Variants in SEMA5B observed in about 807,000 individuals in gnomAD.
The protein encoded by SEMA5B is semaphorin-5B.
A neutral mutation model predicts 135.0 loss-of-function variants in SEMA5B; 66 were observed. The ratio of observed to expected loss-of-function variants is 0.49; its 90% CI spans 0.40 to 0.60. SEMA5B has a LOEUF of 0.60. SEMA5B is among the 20% of genes least tolerant of loss of function. The pLI is 0.00. For synonymous variants in SEMA5B, 690 were observed against 639.5 expected (o/e 1.08, Z -1.19); for missense variants, 1,501 against 1,566.3 (o/e 0.96, Z 0.70).
At chr3:122,993,863 C>A (rs575669917) in intron 1 of SEMA5B, among the ~76,000 whole-genome samples, 4 of 152,044 alleles carry the variant, frequency 2.6e-5, no homozygotes, top group Non-Finnish European at 4.4e-5. Context: ...TTGGAAGAAG[C>A]ATTTCACGAA....
intron 2 of SEMA5B, among the ~76,000 whole-genome samples, chr3:122,956,915 C>T (rs919430027): frequency 5.3e-5 from 8 of 152,120 alleles, no homozygotes; most frequent in Admixed American, 3.9e-4. Context: ...ACGTAGAAGG[C>T]GGAACTCTCT....
At chr3:122,990,696 C>T (rs766987786) in intron 1 of SEMA5B, among the ~76,000 whole-genome samples, 13 of 152,130 alleles carry the variant, frequency 8.5e-5, no homozygotes, top group Non-Finnish European at 1.3e-4. Flanking sequence ...CCTCCTGGAC[C>T]GATGAAGAAC....
chr3:122,986,285 T>C (rs1941693116), intron 1 of SEMA5B, among the ~76,000 whole-genome samples: 2 of 152,202 alleles, frequency 1.3e-5, no homozygotes, highest in South Asian at 4.1e-4. Flanking sequence ...AACTTGAAAT[T>C]ATTAGCAGAG....
chr3:123,002,393 A>G (rs1942201398), intron 1 of SEMA5B, among the ~76,000 whole-genome samples: 1 of 152,244 alleles, frequency 6.6e-6, no homozygotes, highest in African/African-American at 2.4e-5. Context: ...TTTTGTGTGG[A>G]TAATCACCGT....
chr3:122,977,467 G>A (rs147640621), intron 1 of SEMA5B, among the ~76,000 whole-genome samples: 96 of 152,170 alleles, frequency 6.3e-4, no homozygotes, highest in Middle Eastern at 3.4e-3. Flanking sequence ...ATTTTTACTT[G>A]CTAAGTCTGG....
At chr3:122,955,038 G>A (rs1340990412) in intron 2 of SEMA5B, among the ~76,000 whole-genome samples, 1 of 151,188 alleles carries the variant, frequency 6.6e-6, no homozygotes, top group African/African-American at 2.4e-5. Flanking sequence ...CTGGACTCAA[G>A]CTATCCTATC....
intron 1 of SEMA5B, among the ~76,000 whole-genome samples, chr3:123,007,971 A>C (rs76689672): frequency 6.6e-6 from 1 of 152,378 alleles, no homozygotes; most frequent in Non-Finnish European, 1.5e-5. Flanking sequence ...TGTATAAGCC[A>C]CTGTCAAAGT....
intron 1 of SEMA5B, among the ~76,000 whole-genome samples, chr3:122,966,857 C>T (rs1247799114): frequency 1.1e-5 from 1 of 88,200 alleles, no homozygotes; most frequent in Non-Finnish European, 2.0e-5. Flanking sequence ...CACACCCGGC[C>T]TATTACTATT....
At chr3:123,012,613 C>G (rs1942462377) in intron 1 of SEMA5B, among the ~76,000 whole-genome samples, 1 of 152,228 alleles carries the variant, frequency 6.6e-6, no homozygotes, top group Admixed American at 6.5e-5. Context: ...TTCCTCCCAG[C>G]AGGACTGGGC....
intron 1 of SEMA5B, among the ~76,000 whole-genome samples, chr3:122,966,536 T>TTTATCATTATTATTATTA (rs1553778602): frequency 1.3e-4 from 18 of 141,538 alleles, no homozygotes; most frequent in African/African-American, 4.8e-4. Flanking sequence ...TGTAAGAATG[T>TTTATCATTATTATTATTA]TTATTATTAT....
intron 1 of SEMA5B, among the ~76,000 whole-genome samples, chr3:123,002,539 C>CT: frequency 6.6e-6 from 1 of 152,314 alleles, no homozygotes; most frequent in South Asian, 2.1e-4. Context: ...CACCAATTAA[C>CT]TAAGTGAGAA....
At position 122,910,039 on chromosome 3, in the gene SEMA5B, T is replaced by C. The variant is rs989717928; in HGVS notation, c.*104A>G. 2 of 1,247,710 alleles carry C rather than the reference T, an allele frequency of 1.6e-6. No homozygotes were observed. The highest frequency in any genetic ancestry group is 2.2e-6 in the Non-Finnish European group (2 of 902,208). The allele number at this position is 1,247,710 out of a possible 1,614,324, so 77.3% of individuals were successfully genotyped here. A position where few individuals can be genotyped will look rare whatever the true frequency, so the allele number is the denominator to read the frequency against. ...CCCCCACAGGCAAGGCAGCAAGTTC[T>C]TGGCCTAGTGCAGAGGGAGAAAACC... On this transcript the variant is annotated 3_prime_UTR_variant, in exon 23 of 23. Transcript: ENST00000357599.
rs139414816 is a variant in SEMA5B at position 122,924,474 on chromosome 3, C to T, written c.1137-722G>A. On this transcript the variant is annotated intron_variant, in intron 9 of 22. Transcript: ENST00000357599. The stretch of plus-strand genomic sequence containing the variant: ...GTCTGCCTGCAGCCTGTCTAGTATC[C>T]TAATCCATTCTCCACATGGCAGCCA... Among the ~76,000 whole-genome samples the T allele has an allele frequency of 7.8e-3, 1,184 of 152,316 alleles. 10 individuals carry two copies. Among genetic ancestry groups the T allele is most frequent in the Non-Finnish European group, 0.012 (810 of 68,028 alleles).
chr3:122,948,786 G>C (rs1393314304), intron 2 of SEMA5B, 77 bp from the exon 3 acceptor site: 1 of 1,166,520 alleles, frequency 8.6e-7, no homozygotes, highest in Non-Finnish European at 1.2e-6. Flanking sequence ...TGTGGTTACA[G>C]TGCCCCCACA....
intron 1 of SEMA5B, among the ~76,000 whole-genome samples, chr3:122,990,017 T>C (rs1050081943): frequency 9.9e-5 from 15 of 152,182 alleles, no homozygotes; most frequent in Non-Finnish European, 2.9e-5. Flanking sequence ...TGTTTAGAGA[T>C]TGTAAACTTA....
At chr3:122,961,047 G>T in intron 2 of SEMA5B, 93 bp downstream of exon 2, 2 of 1,342,552 alleles carry the variant, frequency 1.5e-6, no homozygotes, top group African/African-American at 1.5e-5. Context: ...TAGGAGGTAT[G>T]CTGATGATGC....
chr3:122,979,885 C>A (rs1328381195), intron 1 of SEMA5B, among the ~76,000 whole-genome samples: 1 of 152,220 alleles, frequency 6.6e-6, no homozygotes, highest in African/African-American at 2.4e-5. Context: ...ACTGGCAACT[C>A]CCCATTTGTG....
intron 4 of SEMA5B, among the ~76,000 whole-genome samples, chr3:122,942,243 C>A (rs1939592969): frequency 6.6e-6 from 1 of 152,180 alleles, no homozygotes; most frequent in African/African-American, 2.4e-5. Flanking sequence ...GAAACTGAGG[C>A]TCCAAGGTCA....
intron 1 of SEMA5B, among the ~76,000 whole-genome samples, chr3:122,970,665 A>T (rs1258770712): frequency 6.6e-6 from 1 of 152,214 alleles, no homozygotes; most frequent in Non-Finnish European, 1.5e-5. Flanking sequence ...TATTTCATGA[A>T]CATCTCGTTT....
Sources: allele counts gnomAD v4.1 joint callset (sites outside exome capture counted in the v4.1 genomes callset), GRCh38; gene constraint gnomAD v4.1.1; transcripts MANE v1.5; gene names NCBI Gene and HGNC (gene_info 2026-07-23, HGNC 2026-07-21).